KCNH7: variants seen among roughly 807,000 people sequenced by gnomAD.
The protein encoded by KCNH7 is potassium voltage-gated channel subfamily H member 7.
A neutral mutation model predicts 120.8 loss-of-function variants in KCNH7; 49 were observed. That is an observed-to-expected ratio of 0.41 (90% CI 0.32 to 0.51). KCNH7 has a LOEUF of 0.51. Ranked by LOEUF, KCNH7 falls within the 20% of genes least tolerant of loss-of-function variation. The probability of loss-of-function intolerance (pLI) is 0.38; values close to 1 mark genes in which losing one functional copy is unlikely to be tolerated. For synonymous variants in KCNH7, 547 were observed against 516.1 expected, an observed-to-expected ratio of 1.06 and a Z score of -0.81; for missense variants, 1,097 against 1,446.6, an observed-to-expected ratio of 0.76 and a Z score of 3.92.
At chr2:162,577,695 G>A (rs1047704554) in intron 2 of KCNH7, among the ~76,000 whole-genome samples, 2 of 151,884 alleles carry the variant, frequency 1.3e-5, no homozygotes, top group Non-Finnish European at 2.9e-5. Context: ...ACCTAGATGA[G>A]GAAGATTCAA....
intron 8 of KCNH7, among the ~76,000 whole-genome samples, chr2:162,425,524 G>A (rs1268216123): frequency 1.3e-5 from 2 of 152,298 alleles, no homozygotes; most frequent in African/African-American, 2.4e-5. Flanking sequence ...ATTGATTGCT[G>A]TGATCCAAGG....
At chr2:162,807,957 C>A (rs1459580597) in intron 2 of KCNH7, among the ~76,000 whole-genome samples, 1 of 152,192 alleles carries the variant, frequency 6.6e-6, no homozygotes, top group Non-Finnish European at 1.5e-5. Context: ...GCTGGGATTA[C>A]AGGCGTGAGC....
intron 2 of KCNH7, among the ~76,000 whole-genome samples, chr2:162,748,224 T>C (rs10207687): frequency 0.29 from 43,861 of 152,058 alleles, 10,745 homozygotes; most frequent in African/African-American, 0.66. Flanking sequence ...TAGAACTCTT[T>C]GTACCATAGG....
At chr2:162,720,710 G>A in intron 2 of KCNH7, among the ~76,000 whole-genome samples, 1 of 151,980 alleles carries the variant, frequency 6.6e-6, no homozygotes, top group Middle Eastern at 3.2e-3. Context: ...GTGTAGTTCT[G>A]ACCTGATTGT....
rs989498256 is a variant in KCNH7, at chr2:162,687,534, G to A, written c.307+149003C>T. ...AATTATTTAACAGGAAATATGGCCT[G>A]TGACTATGCAATTTTTCCCAATTCT... is the stretch of plus-strand genomic sequence containing the variant. On this transcript the variant is annotated intron_variant, in intron 2 of 15. Transcript: ENST00000332142. Among the ~76,000 whole-genome samples the A allele has an allele frequency of 1.1e-4, 16 of 152,172 alleles. 1 individual carries two copies. In the Middle Eastern group the frequency reaches 0.017, roughly 162 times the overall value.
At chr2:162,788,432 A>C (rs1001730034) in intron 2 of KCNH7, among the ~76,000 whole-genome samples, 2 of 152,160 alleles carry the variant, frequency 1.3e-5, no homozygotes, top group Non-Finnish European at 2.9e-5. Context: ...ATATAAAAGA[A>C]CCAATCAAAA....
chr2:162,623,421 T>G (rs1382476347), intron 2 of KCNH7, among the ~76,000 whole-genome samples: 1 of 152,174 alleles, frequency 6.6e-6, no homozygotes, highest in Non-Finnish European at 1.5e-5. Context: ...TGGCTAAGAT[T>G]TATATTACAC....
At chr2:162,472,610 G>T (rs1289692407) in intron 6 of KCNH7, among the ~76,000 whole-genome samples, 1 of 152,214 alleles carries the variant, frequency 6.6e-6, no homozygotes, top group Non-Finnish European at 1.5e-5. Flanking sequence ...AGAGGATGTG[G>T]AGAAATAGGA....
At chr2:162,426,214 T>TA (rs751111957) in intron 8 of KCNH7, among the ~76,000 whole-genome samples, 1,210 of 118,918 alleles carry the variant, frequency 0.01, 9 homozygotes, top group African/African-American at 0.025. Flanking sequence ...ACCCTATCTT[T>TA]AAAAAAAAAA....
chr2:162,791,952 T>C (rs1683961741), intron 2 of KCNH7, among the ~76,000 whole-genome samples: 1 of 152,120 alleles, frequency 6.6e-6, no homozygotes, highest in African/African-American at 2.4e-5. Context: ...TGAAGTATAT[T>C]CCTTCAATAC....
At chr2:162,781,717 C>G (rs1225459172) in intron 2 of KCNH7, among the ~76,000 whole-genome samples, 1 of 152,088 alleles carries the variant, frequency 6.6e-6, no homozygotes, top group African/African-American at 2.4e-5. Flanking sequence ...AATCTAGATA[C>G]TTGGTTTTAA....
At chr2:162,781,739 C>T (rs16847319) in intron 2 of KCNH7, among the ~76,000 whole-genome samples, 116,908 of 151,996 alleles carry the variant, frequency 0.77, 46,774 homozygotes, top group Middle Eastern at 0.93. Context: ...CTGTCTTTCC[C>T]TCAAGTCACT....
At chr2:162,524,943 A>T (rs1691648807) in intron 3 of KCNH7, among the ~76,000 whole-genome samples, 1 of 151,930 alleles carries the variant, frequency 6.6e-6, no homozygotes, top group Non-Finnish European at 1.5e-5. Context: ...GGGAAAGATT[A>T]TCATTCAATG....
intron 2 of KCNH7, among the ~76,000 whole-genome samples, chr2:162,681,676 G>T (rs916532150): frequency 6.6e-6 from 1 of 151,666 alleles, no homozygotes; most frequent in African/African-American, 2.4e-5. Flanking sequence ...TTTATAGTTT[G>T]TTTGGAGCCA....
chr2:162,374,201 C>A (rs1431412075), intron 14 of KCNH7, among the ~76,000 whole-genome samples: 1 of 152,026 alleles, frequency 6.6e-6, no homozygotes, highest in East Asian at 1.9e-4. Context: ...ATGTTTAATG[C>A]TGTTAAATGT....
At chr2:162,474,497 A>T (rs1689665052) in intron 6 of KCNH7, among the ~76,000 whole-genome samples, 1 of 152,232 alleles carries the variant, frequency 6.6e-6, no homozygotes, top group South Asian at 2.1e-4. Flanking sequence ...TTGAATTAAG[A>T]TTTCTGCCTC....
chr2:162,567,560 G>A (rs1057503187), intron 2 of KCNH7, among the ~76,000 whole-genome samples: 3 of 151,982 alleles, frequency 2.0e-5, no homozygotes, highest in Non-Finnish European at 4.4e-5. Context: ...GATTATGGCA[G>A]GAAATGATAT....
intron 5 of KCNH7, among the ~76,000 whole-genome samples, chr2:162,506,830 C>A (rs531411999): frequency 1.3e-5 from 2 of 151,896 alleles, no homozygotes; most frequent in East Asian, 3.9e-4. Flanking sequence ...GTGATTTCAA[C>A]TATGGTAGTA....
chr2:162,566,376 C>T (rs376603013), intron 2 of KCNH7, among the ~76,000 whole-genome samples: 12 of 151,968 alleles, frequency 7.9e-5, no homozygotes, highest in African/African-American at 2.9e-4. Flanking sequence ...TCAATAAATG[C>T]TTTGTAACCA....
Sources: gnomAD v4.1 joint callset for allele counts (sites outside exome capture counted in the v4.1 genomes callset) on GRCh38, gnomAD v4.1.1 for gene constraint, MANE v1.5 for transcripts, NCBI Gene and HGNC (gene_info 2026-07-23, HGNC 2026-07-21) for gene names.